The following SLC6A2 variants were observed in gnomAD, a reference collection of about 807,000 sequenced individuals.
SLC6A2 encodes solute carrier family 6 member 2.
SLC6A2 carries 26 observed loss-of-function variants against 71.7 expected under a neutral mutation model. The observed-to-expected ratio is 0.36, with a 90% confidence interval of 0.27 to 0.50. The LOEUF (loss-of-function observed/expected upper bound fraction) is 0.50. Ranked by LOEUF, SLC6A2 falls within the 20% of genes least tolerant of loss-of-function variation. SLC6A2 has a pLI of 0.96. For missense variants in SLC6A2, 581 were observed against 803.9 expected, an observed-to-expected ratio of 0.72 and a Z score of 3.35; for synonymous variants, 363 against 337.9, an observed-to-expected ratio of 1.07 and a Z score of -0.82.
intron 5 of SLC6A2, among the ~76,000 whole-genome samples, chr16:55,688,323 G>T (rs1965519065): frequency 6.6e-6 from 1 of 152,264 alleles, no homozygotes; most frequent in African/African-American, 2.4e-5. Context: ...GCTTGCTTTA[G>T]TGACTTGATT....
intron 10 of SLC6A2, 88 bp downstream of exon 10, chr16:55,698,113 CT>C: frequency 3.5e-6 from 5 of 1,437,942 alleles, no homozygotes; most frequent in Non-Finnish European, 4.9e-6. Flanking sequence ...AGAACTGGGG[CT>C]GAGCTCAGGG....
rs1447893942 is a variant in SLC6A2 at position 55,656,787 on chromosome 16, G to A, written c.93G>A (p.Ala31=). ...AGCCCCTTCGGGCGCGCAAAACTGC[G>A]GAGCTGCTGGTGGTGAAGGAGCGCA... ...PEQPLRARKT[A]ELLVVKERNG... is the part of the protein sequence containing the mutation. Residue 31 remains alanine (A), a synonymous_variant, in exon 2 of 15, where the codon GCG becomes GCA. Transcript: ENST00000568943. The surrounding 1 kb of genome is among the most constrained non-coding windows in gnomAD (Gnocchi z 4.5). The A allele has an allele frequency of 1.9e-6, 3 of 1,613,246 alleles. No individual in the cohort carries two copies. The highest frequency in any genetic ancestry group is 2.7e-5 in the African/African-American group (2 of 74,926).
chr16:55,690,646 C>T (rs1327322386), intron 5 of SLC6A2, among the ~76,000 whole-genome samples: 1 of 152,138 alleles, frequency 6.6e-6, no homozygotes. Context: ...CAAGGCTACC[C>T]ATGGCTGCCT....
intron 4 of SLC6A2, among the ~76,000 whole-genome samples, chr16:55,683,123 T>G (rs1965331074): frequency 6.6e-6 from 1 of 152,178 alleles, no homozygotes; most frequent in Non-Finnish European, 1.5e-5. Context: ...GGGGAACCCT[T>G]CTCTCCTGGG....
At chr16:55,665,266 ATT>A (rs1462050108) in intron 2 of SLC6A2, among the ~76,000 whole-genome samples, 3 of 152,150 alleles carry the variant, frequency 2.0e-5, no homozygotes, top group Admixed American at 2.0e-4. Context: ...ACAGTTGTTG[ATT>A]TGTCACCTTT....
At chr16:55,658,830 C>A (rs1164661907) in intron 2 of SLC6A2, among the ~76,000 whole-genome samples, 1 of 152,090 alleles carries the variant, frequency 6.6e-6, no homozygotes, top group African/African-American at 2.4e-5. Context: ...TGGTCATGGG[C>A]AGAGAGAGAA....
chr16:55,694,445 G>A (rs1232961614), intron 7 of SLC6A2, among the ~76,000 whole-genome samples: 2 of 152,160 alleles, frequency 1.3e-5, no homozygotes, highest in Non-Finnish European at 2.9e-5. Context: ...AGGCAGGGGT[G>A]GAATATCGCA....
chr16:55,657,116 G>GGA, intron 2 of SLC6A2, 148 bp downstream of exon 2: 1 of 709,328 alleles, frequency 1.4e-6, no homozygotes, highest in Non-Finnish European at 2.3e-6. Context: ...GGGCTAACGG[G>GGA]AAAAAAAAAG....
rs139172006 is a variant in SLC6A2 at position 55,669,240 on chromosome 16, G to A, written c.275-325G>A. Among the ~76,000 whole-genome samples, 462 of 152,144 alleles carry A rather than the reference G, an allele frequency of 3.0e-3. 5 individuals are homozygous for A. In the South Asian group the frequency reaches 0.047, roughly 15 times the overall value. On this transcript the variant is annotated intron_variant, in intron 2 of 14. Transcript: ENST00000568943. ...CAGTGTTTAAATAAATCTGGTAAAG[G>A]CTACACCTGTGATCCCCCTCCTGGC...
intron 5 of SLC6A2, among the ~76,000 whole-genome samples, chr16:55,690,252 A>T (rs28645660): frequency 3.1e-4 from 47 of 152,324 alleles, no homozygotes; most frequent in African/African-American, 1.1e-3. Context: ...CATGTGCCGG[A>T]TTCTGGGGAT....
In SLC6A2 at chr16:55,685,153, C is replaced by T; in HGVS notation, c.655C>T (p.Leu219=). 1.2e-6 allele frequency: 2 copies of T among 1,614,190 alleles called. No homozygotes were observed. The highest frequency in any genetic ancestry group is 1.3e-5 in the African/African-American group (1 of 75,070). Residue 219 remains leucine, a synonymous_variant, in exon 5 of 15, where the codon CTG becomes TTG. Coordinates refer to ENST00000568943, the MANE Select transcript of SLC6A2 (RefSeq NM_001172501.3). The part of the protein sequence containing the change: ...PAAEFYERGV[L]HLHESSGIHD... ...CTCTCCTCTGGGCAGGCGTGGTGTCCTGCACCTTCACGAGAGCAGCGGGAT... is the reference window on the plus strand; with the variant it reads ...CTCTCCTCTGGGCAGGCGTGGTGTCTTGCACCTTCACGAGAGCAGCGGGAT...
rs11568326 is a variant in SLC6A2 at position 55,692,135 on chromosome 16, C to T, written c.918+83C>T. The T allele has an allele frequency of 4.2e-5, 63 of 1,486,568 alleles. No individual in the cohort carries two copies. The African/African-American group carries it at 8.0e-4, about 19-fold the overall frequency. 92.1% of individuals were successfully genotyped at this position (1,486,568 alleles called of 1,614,324 possible). ...AAGGTGATGATGGAAAATCTGGTCCCAGCTCTGCCACAAATGTGCAGTGTA... is the reference window on the plus strand; with the variant it reads ...AAGGTGATGATGGAAAATCTGGTCCTAGCTCTGCCACAAATGTGCAGTGTA... On this transcript the variant is annotated intron_variant, in intron 6 of 14. Transcript: ENST00000568943.
intron 2 of SLC6A2, among the ~76,000 whole-genome samples, chr16:55,666,022 G>T (rs751986650): frequency 2.6e-5 from 4 of 152,258 alleles, no homozygotes; most frequent in Non-Finnish European, 5.9e-5. Context: ...AGTATGCACA[G>T]GTGTGCATTT....
intron 5 of SLC6A2, among the ~76,000 whole-genome samples, chr16:55,689,186 C>T (rs1230020194): frequency 6.6e-6 from 1 of 152,172 alleles, no homozygotes; most frequent in African/African-American, 2.4e-5. Flanking sequence ...ATTGTGCATT[C>T]AGGGCACATT....
At chr16:55,692,821 C>T (rs1382593742) in intron 6 of SLC6A2, among the ~76,000 whole-genome samples, 2 of 152,160 alleles carry the variant, frequency 1.3e-5, no homozygotes, top group South Asian at 2.1e-4. Context: ...TATACATCTC[C>T]ATAGTTGTAA....
In SLC6A2 at chr16:55,656,978, G is replaced by A; in HGVS notation, c.274+10G>A. 6.2e-7 allele frequency: 1 copy of A among 1,612,236 alleles called. No homozygotes were observed. The highest frequency in any genetic ancestry group is 8.5e-7 in the Non-Finnish European group (1 of 1,179,194). On this transcript the variant is annotated intron_variant, in intron 2 of 14. Coordinates refer to ENST00000568943, the MANE Select transcript of SLC6A2 (RefSeq NM_001172501.3). This position sits in a 1 kb window ranked among gnomAD's most constrained non-coding sequence, Gnocchi z 4.5. ...TACAAGAACGGCGGCGGTGAGCGTG[G>A]GGTCGGGCTGGGAATTTGAATCTGG...
rs1205286764 is a variant in SLC6A2 at position 55,700,258 on chromosome 16, C to A, written c.1710C>A (p.Pro570=). The A allele has an allele frequency of 6.2e-7, 1 of 1,613,614 alleles. No individual in the cohort carries two copies. Among genetic ancestry groups the A allele is most frequent in the South Asian group, 1.1e-5 (1 of 91,050 alleles). The change falls in exon 13 of 15, where the codon CCC becomes CCA. Residue 570 remains proline (P), a synonymous_variant. Coordinates refer to ENST00000568943, the MANE Select transcript of SLC6A2 (RefSeq NM_001172501.3). The part of the protein sequence containing the change: ...GIALSSMVLV[P]IYVIYKFLST... Reference sequence around the variant, plus strand: ...CCCTGTCCTCCATGGTCCTGGTGCCCATCTACGTCATCTATAAGTTCCTCA... The same window carrying A: ...CCCTGTCCTCCATGGTCCTGGTGCCAATCTACGTCATCTATAAGTTCCTCA...
At chr16:55,685,605 A>G (rs1965427135) in intron 5 of SLC6A2, among the ~76,000 whole-genome samples, 1 of 152,216 alleles carries the variant, frequency 6.6e-6, no homozygotes, top group South Asian at 2.1e-4. Context: ...AAGTCTAGAG[A>G]TACTATCAAC....
At chr16:55,673,355 G>C (rs1964982561) in intron 4 of SLC6A2, among the ~76,000 whole-genome samples, 1 of 152,154 alleles carries the variant, frequency 6.6e-6, no homozygotes, top group Non-Finnish European at 1.5e-5. Flanking sequence ...GAGACTGCCA[G>C]CCTCCTCCTG....
Sources: gnomAD v4.1 joint callset for allele counts (sites outside exome capture counted in the v4.1 genomes callset) on GRCh38, gnomAD v4.1.1 for gene constraint, Gnocchi (gnomAD v3.1) non-coding constraint, MANE v1.5 for transcripts, NCBI Gene and HGNC (gene_info 2026-07-23, HGNC 2026-07-21) for gene names.